OTUD7B: variants seen among roughly 807,000 people sequenced by gnomAD.
OTUD7B encodes the protein OTU deubiquitinase 7B, also known as OTU domain-containing protein 7B.
A neutral mutation model predicts 82.2 loss-of-function variants in OTUD7B; 34 were observed. The observed-to-expected ratio is 0.41, with a 90% CI of 0.31 to 0.55. OTUD7B has a LOEUF of 0.55. OTUD7B is among the 20% of genes least tolerant of loss of function. The probability of loss-of-function intolerance (pLI) is 0.20; values close to 1 mark genes in which losing one functional copy is unlikely to be tolerated. For missense variants in OTUD7B, 944 were observed against 1,062.1 expected, an observed-to-expected ratio of 0.89 and a Z score of 1.55; for synonymous variants, 398 against 402.7, an observed-to-expected ratio of 0.99 and a Z score of 0.14.
In OTUD7B at chr1:149,944,277, G is replaced by A. The variant is rs782644700; in HGVS notation, c.2112C>T (p.Gly704=). Reference sequence around the variant, plus strand: ...TCCGGGGTTCCTGGCAGTGGACTCCGCCCCCAGACGGCCGAGGGATAGTAA... The same window carrying A: ...TCCGGGGTTCCTGGCAGTGGACTCCACCCCCAGACGGCCGAGGGATAGTAA... ...GDFTIPRPSG[G]GVHCQEPRRQ... is the part of the protein sequence containing the mutation. The change falls in exon 12 of 12, where the codon GGC becomes GGT. Residue 704 remains glycine, a synonymous_variant. Transcript: ENST00000581312. The A allele has an allele frequency of 5.5e-5, 88 of 1,610,068 alleles. No homozygotes were observed. Among genetic ancestry groups the A allele is most frequent in the Admixed American group, 6.7e-5 (4 of 59,772 alleles).
the OTUD7B span, among the ~76,000 whole-genome samples, chr1:150,015,866 A>T: frequency 6.6e-6 from 1 of 152,148 alleles, no homozygotes; most frequent in Non-Finnish European, 1.5e-5. Flanking sequence ...TGATCTAGGC[A>T]TGTGATAGAG....
chr1:150,043,989 G>T, the OTUD7B span, among the ~76,000 whole-genome samples: 567 of 152,098 alleles, frequency 3.7e-3, 1 homozygote, highest in African/African-American at 0.013. Context: ...ATGATGGCAC[G>T]TGCCTGTAGT....
rs1413477240 is a variant in OTUD7B at position 149,939,910 on chromosome 1, C to G, written c.*3947G>C. 6.6e-6 allele frequency: 1 copy of G among 151,494 alleles called. No homozygotes were observed. The highest frequency in any genetic ancestry group is 1.5e-5 in the Non-Finnish European group (1 of 67,948). 9.4% of individuals were successfully genotyped at this position (151,494 alleles called of 1,614,324 possible). On this transcript the variant is annotated 3_prime_UTR_variant, in exon 12 of 12. Coordinates refer to ENST00000581312, the MANE Select transcript of OTUD7B (RefSeq NM_020205.4). ...CACCACTGCACTCCAGCCTGGGCAGCTGAGCGAGACTCCGTCTCAAACCAA... is the reference window on the plus strand; with the variant it reads ...CACCACTGCACTCCAGCCTGGGCAGGTGAGCGAGACTCCGTCTCAAACCAA...
Position 149,949,670 on chromosome 1 carries a change from G to A in OTUD7B, c.1082C>T (p.Ala361Val). Residue 361 changes from alanine (A) to valine (V), a missense_variant, in exon 9 of 12, where the codon GCA (alanine) becomes GTA (valine). By Grantham distance (64) the Ala-to-Val change is moderately conservative. This residue lies in a region of OTUD7B where 530 missense variants were observed against 625.6 expected (regional missense o/e 0.85). Transcript: ENST00000581312. ...CTCCTTCTGCTCCATGGACACGAGT[G>A]CAGAAAAGTGGGCCTGATCATAGGC... Reference protein sequence around the residue: ...VLAYDQAHFSALVSMEQKENT... With the variant: ...VLAYDQAHFSVLVSMEQKENT... The A allele has an allele frequency of 6.2e-7, 1 of 1,614,160 alleles. No individual in the cohort carries two copies. Among genetic ancestry groups the A allele is most frequent in the Non-Finnish European group, 8.5e-7 (1 of 1,180,026 alleles).
the OTUD7B span, among the ~76,000 whole-genome samples, chr1:150,021,237 C>G: frequency 6.6e-6 from 1 of 152,108 alleles, no homozygotes; most frequent in African/African-American, 2.4e-5. Context: ...CTATATCAGA[C>G]AGTATTTTGT....
intron 1 of OTUD7B, among the ~76,000 whole-genome samples, chr1:149,995,789 C>A (rs932642773): frequency 9.2e-5 from 14 of 152,042 alleles, no homozygotes; most frequent in African/African-American, 2.9e-4. Context: ...ACCACACATC[C>A]CAGGTATGGC....
chr1:150,013,704 T>C (rs1385115704), upstream of OTUD7B, among the ~76,000 whole-genome samples: 1 of 150,356 alleles, frequency 6.7e-6, no homozygotes, highest in Non-Finnish European at 1.5e-5. Flanking sequence ...AGGCGGATCA[T>C]GAGGTCAGGA....
chr1:149,971,423 G>A (rs587725402), intron 2 of OTUD7B, among the ~76,000 whole-genome samples, 172 bp from the exon 3 acceptor site: 2 of 151,802 alleles, frequency 1.3e-5, no homozygotes, highest in Admixed American at 1.3e-4. Context: ...CTTATCAAAT[G>A]TCTTTACTTA....
chr1:150,005,515 G>A (rs951590701), intron 1 of OTUD7B, among the ~76,000 whole-genome samples: 25 of 147,822 alleles, frequency 1.7e-4, no homozygotes, highest in Admixed American at 1.3e-3. Context: ...TCCTGTGCTC[G>A]TGACATCAGT....
intron 1 of OTUD7B, among the ~76,000 whole-genome samples, chr1:150,008,622 C>T (rs1553786662): frequency 3.3e-5 from 5 of 152,156 alleles, no homozygotes. Context: ...AAGGCAATGA[C>T]AATAAAAAAT....
At chr1:150,038,539 G>A in the OTUD7B span, among the ~76,000 whole-genome samples, 6 of 151,468 alleles carry the variant, frequency 4.0e-5, no homozygotes, top group African/African-American at 4.8e-5. Context: ...GGCACACACC[G>A]CCACACCTGG....
chr1:149,947,580 A>G (rs1325405996), intron 10 of OTUD7B, among the ~76,000 whole-genome samples: 1 of 152,200 alleles, frequency 6.6e-6, no homozygotes, highest in East Asian at 1.9e-4. Flanking sequence ...TGTAAAGATT[A>G]AAACAGTGTT....
the OTUD7B span, among the ~76,000 whole-genome samples, chr1:150,048,982 G>A: frequency 6.6e-6 from 1 of 151,910 alleles, no homozygotes; most frequent in Non-Finnish European, 1.5e-5. Flanking sequence ...ACAGGCGCCC[G>A]CCACCACACT....
intron 2 of OTUD7B, among the ~76,000 whole-genome samples, chr1:149,974,506 C>CAT (rs1650152585): frequency 6.6e-6 from 1 of 150,496 alleles, no homozygotes; most frequent in Non-Finnish European, 1.5e-5. Flanking sequence ...AAAGGCCCTA[C>CAT]ACTCTTTTTT....
chr1:149,947,019 C>T lies in OTUD7B; in HGVS notation c.1323+232G>A, dbSNP rs768394565. On this transcript the variant is annotated intron_variant, in intron 11 of 11. Transcript: ENST00000581312. ...AATGAGCCAAGATTGTGCCATTGCA[C>T]TCCAGCCTGGGTGACAGAACAAGAC... 2.9e-4 allele frequency among the ~76,000 whole-genome samples: 44 copies of T among 152,166 alleles called. 2 individuals are homozygous for T. The highest frequency in any genetic ancestry group is 6.8e-3 in the Middle Eastern group (2 of 294).
chr1:150,015,335 C>T (rs1653235601), upstream of OTUD7B, among the ~76,000 whole-genome samples: 1 of 135,436 alleles, frequency 7.4e-6, no homozygotes, highest in African/African-American at 2.8e-5. Flanking sequence ...GCTCTGTCAC[C>T]CAGGCTGGAG....
At chr1:150,014,082 G>C (rs57767970), upstream of OTUD7B, among the ~76,000 whole-genome samples, 15 of 32,984 alleles carry the variant, frequency 4.5e-4, no homozygotes, top group Non-Finnish European at 7.4e-4. Context: ...GTGTGTGTGT[G>C]TGTATATATA....
chr1:149,969,181 G>A (rs891976330), intron 3 of OTUD7B, among the ~76,000 whole-genome samples: 1 of 152,108 alleles, frequency 6.6e-6, no homozygotes, highest in Non-Finnish European at 1.5e-5. Flanking sequence ...AATTTAGCTA[G>A]GTGAGGTGGT....
chr1:149,964,663 G>C (rs1001231559), intron 5 of OTUD7B, among the ~76,000 whole-genome samples: 1 of 151,832 alleles, frequency 6.6e-6, no homozygotes, highest in Non-Finnish European at 1.5e-5. Context: ...GTGTGTTCTT[G>C]GCTTACCGCA....
Sources: gnomAD v4.1 joint callset for allele counts (sites outside exome capture counted in the v4.1 genomes callset) on GRCh38, gnomAD v4.1.1 for gene constraint, gnomAD v4.1.1 regional missense constraint, MANE v1.5 for transcripts, NCBI Gene and HGNC (gene_info 2026-07-23, HGNC 2026-07-21) for gene names.